The following AGBL1 variants were observed in gnomAD, a reference collection of about 807,000 sequenced individuals.
AGBL1 encodes the protein AGBL carboxypeptidase 1, also known as cytosolic carboxypeptidase 4.
A neutral mutation model predicts 118.9 loss-of-function variants in AGBL1; 130 were observed. The ratio of observed to expected loss-of-function variants is 1.09; its 90% CI spans 0.95 to 1.26. The LOEUF is 1.26. Ranked by LOEUF, AGBL1 falls within the 50% of genes most tolerant of loss-of-function variation. The pLI, the probability that AGBL1 is intolerant of heterozygous loss-of-function variation, is 0.00. For synonymous variants in AGBL1, 555 were observed against 478.9 expected, an observed-to-expected ratio of 1.16 and a Z score of -2.08; for missense variants, 1,584 against 1,298.1, an observed-to-expected ratio of 1.22 and a Z score of -3.38.
chr15:86,194,850 A>G (rs1249309281), intron 5 of AGBL1, among the ~76,000 whole-genome samples: 1 of 152,234 alleles, frequency 6.6e-6, no homozygotes, highest in Non-Finnish European at 1.5e-5. Context: ...GCAAGGTCTT[A>G]GGCAAAAGAC....
chr15:86,839,270 T>C (rs2079213422), intron 22 of AGBL1, among the ~76,000 whole-genome samples: 1 of 152,198 alleles, frequency 6.6e-6, no homozygotes, highest in South Asian at 2.1e-4. Context: ...CTTCCAATAT[T>C]GGCCTCTACT....
chr15:86,729,366 A>G (rs1451605600), intron 22 of AGBL1, among the ~76,000 whole-genome samples: 1 of 152,138 alleles, frequency 6.6e-6, no homozygotes, highest in African/African-American at 2.4e-5. Flanking sequence ...GTTTGGTGTA[A>G]GAATGATCCT....
At chr15:86,327,758 C>A (rs2080205668) in intron 17 of AGBL1, among the ~76,000 whole-genome samples, 1 of 152,174 alleles carries the variant, frequency 6.6e-6, no homozygotes, top group Non-Finnish European at 1.5e-5. Context: ...AATGTATTTA[C>A]AAATGAACCT....
At chr15:86,786,040 G>C (rs2078407575) in intron 22 of AGBL1, among the ~76,000 whole-genome samples, 2 of 152,170 alleles carry the variant, frequency 1.3e-5, no homozygotes, top group South Asian at 4.2e-4. Context: ...GTTGTGAAGG[G>C]ATTTGGCTTC....
chr15:86,479,064 C>T (rs140288785), intron 18 of AGBL1, among the ~76,000 whole-genome samples: 6,193 of 152,226 alleles, frequency 0.041, 179 homozygotes, highest in East Asian at 0.083. Context: ...TTCCTTACAC[C>T]TTATACAAAA....
chr15:86,316,362 T>C (rs1269072368), intron 17 of AGBL1, among the ~76,000 whole-genome samples: 1 of 152,114 alleles, frequency 6.6e-6, no homozygotes, highest in African/African-American at 2.4e-5. Flanking sequence ...CCTCTTTCTC[T>C]CCTACACGGC....
chr15:86,963,206 T>G (rs1371319382), intron 23 of AGBL1, among the ~76,000 whole-genome samples: 1 of 152,000 alleles, frequency 6.6e-6, no homozygotes, highest in African/African-American at 2.4e-5. Context: ...AACTCTCGCT[T>G]GATTAACACA....
At chr15:86,202,294 AAAAAC>A (rs1180188560) in intron 5 of AGBL1, among the ~76,000 whole-genome samples, 1 of 152,124 alleles carries the variant, frequency 6.6e-6, no homozygotes, top group African/African-American at 2.4e-5. Flanking sequence ...CTCTGTCTGA[AAAAAC>A]AAAACAAAAA....
chr15:86,317,342 AT>A (rs1169698762), intron 17 of AGBL1, among the ~76,000 whole-genome samples: 1 of 152,210 alleles, frequency 6.6e-6, no homozygotes, highest in African/African-American at 2.4e-5. Flanking sequence ...GGAAAACAAT[AT>A]CCTATCCGCA....
Position 86,590,687 on chromosome 15 carries a change from G to A in AGBL1, c.2994+36150G>A, listed in dbSNP as rs533842378. On this transcript the variant is annotated intron_variant, in intron 21 of 22. Coordinates refer to ENST00000614907, the MANE Select transcript of AGBL1 (RefSeq NM_001386094.1). Reference sequence around the variant, plus strand: ...TAAATGTTTCCTTGAGACCTTTAAAGGTGTCAGACTCTCAGTTAGTCTTTC... The same window carrying A: ...TAAATGTTTCCTTGAGACCTTTAAAAGTGTCAGACTCTCAGTTAGTCTTTC... Among the ~76,000 whole-genome samples the A allele has an allele frequency of 2.6e-5, 4 of 152,228 alleles. 1 individual carries two copies. The South Asian group carries it at 8.3e-4, about 32-fold the overall frequency.
chr15:86,434,642 T>C (rs949289088), intron 18 of AGBL1, among the ~76,000 whole-genome samples: 1 of 152,208 alleles, frequency 6.6e-6, no homozygotes, highest in Non-Finnish European at 1.5e-5. Flanking sequence ...AGTCAACATT[T>C]TCATCAAATG....
At chr15:86,534,230 G>T (rs2083391514) in intron 19 of AGBL1, among the ~76,000 whole-genome samples, 1 of 151,370 alleles carries the variant, frequency 6.6e-6, no homozygotes, top group South Asian at 2.1e-4. Context: ...AGTAAGCACT[G>T]TAACAAAGGC....
At chr15:86,492,461 G>T (rs549287953) in intron 18 of AGBL1, among the ~76,000 whole-genome samples, 1 of 151,984 alleles carries the variant, frequency 6.6e-6, no homozygotes, top group South Asian at 2.1e-4. Context: ...GTGGTGATGT[G>T]CATCTGTAAT....
At chr15:86,360,331 T>C (rs1174296580) in intron 17 of AGBL1, among the ~76,000 whole-genome samples, 1 of 151,610 alleles carries the variant, frequency 6.6e-6, no homozygotes, top group Non-Finnish European at 1.5e-5. Flanking sequence ...TTTTTTTTTT[T>C]TTTGTTAATG....
intron 22 of AGBL1, among the ~76,000 whole-genome samples, chr15:86,895,232 C>CT (rs951170203): frequency 6.7e-6 from 1 of 150,270 alleles, no homozygotes; most frequent in Non-Finnish European, 1.5e-5. Flanking sequence ...ACATTATATT[C>CT]TTTTTTTCTC....
chr15:86,823,694 T>A (rs531696843), intron 22 of AGBL1, among the ~76,000 whole-genome samples: 2 of 152,274 alleles, frequency 1.3e-5, no homozygotes, highest in Non-Finnish European at 2.9e-5. Context: ...GAAGCAAATA[T>A]AAGACTGGAC....
intron 24 of AGBL1, among the ~76,000 whole-genome samples, chr15:87,020,494 C>T (rs2081653783): frequency 6.6e-6 from 1 of 152,068 alleles, no homozygotes; most frequent in South Asian, 2.1e-4. Flanking sequence ...ATTGGATGTT[C>T]TGGCCAGGGC....
chr15:86,241,152 G>A (rs2078635729), intron 6 of AGBL1, among the ~76,000 whole-genome samples: 2 of 152,104 alleles, frequency 1.3e-5, no homozygotes, highest in African/African-American at 4.8e-5. Flanking sequence ...ATGTAGGACT[G>A]GTGGCCATTT....
chr15:86,616,593 C>G (rs188944950), intron 21 of AGBL1, among the ~76,000 whole-genome samples: 6 of 152,142 alleles, frequency 3.9e-5, no homozygotes, highest in Admixed American at 1.3e-4. Flanking sequence ...TGCTGTTGAC[C>G]CTGGCACAGC....
Sources: allele counts gnomAD v4.1 joint callset (sites outside exome capture counted in the v4.1 genomes callset), GRCh38; gene constraint gnomAD v4.1.1; transcripts MANE v1.5; gene names NCBI Gene and HGNC (gene_info 2026-07-23, HGNC 2026-07-21).